TIAM2: variants seen among roughly 807,000 people sequenced by gnomAD.
The protein encoded by TIAM2 is rho guanine nucleotide exchange factor TIAM2.
TIAM2 carries 80 observed loss-of-function variants against 152.9 expected under a neutral mutation model. That is an observed-to-expected ratio of 0.52 (90% CI 0.44 to 0.63). The LOEUF (loss-of-function observed/expected upper bound fraction) is 0.63, where lower values mean the gene tolerates loss of function less well. Ranked by LOEUF, TIAM2 falls within the 30% of genes least tolerant of loss-of-function variation. The pLI, the probability that TIAM2 is intolerant of heterozygous loss-of-function variation, is 0.00. For synonymous variants in TIAM2, 804 were observed against 838.0 expected (o/e 0.96, Z 0.70); for missense variants, 1,965 against 2,120.1 (o/e 0.93, Z 1.44).
intron 1 of TIAM2, among the ~76,000 whole-genome samples, chr6:155,017,677 G>A (rs1201574194): frequency 6.6e-6 from 1 of 151,642 alleles, no homozygotes. Flanking sequence ...CTAATTTTTT[G>A]TATTTTTTGT....
chr6:155,241,691 C>T (rs1436137620), intron 16 of TIAM2, among the ~76,000 whole-genome samples: 1 of 152,162 alleles, frequency 6.6e-6, no homozygotes, highest in Non-Finnish European at 1.5e-5. Flanking sequence ...TTCTTTTGGC[C>T]TCAGAGGGGA....
At chr6:155,116,808 A>G (rs1779024492) in intron 2 of TIAM2, among the ~76,000 whole-genome samples, 1 of 152,314 alleles carries the variant, frequency 6.6e-6, no homozygotes, top group African/African-American at 2.4e-5. Flanking sequence ...AAGCTCAGAA[A>G]GGTTAAAAAC....
At chr6:155,100,533 C>T (rs1562315840) in intron 2 of TIAM2, among the ~76,000 whole-genome samples, 1 of 152,186 alleles carries the variant, frequency 6.6e-6, no homozygotes, top group Non-Finnish European at 1.5e-5. Flanking sequence ...CCACCACTGC[C>T]ACCATCACTG....
chr6:155,134,248 A>G (rs1334708066), intron 4 of TIAM2, among the ~76,000 whole-genome samples: 2 of 152,186 alleles, frequency 1.3e-5, no homozygotes, highest in East Asian at 3.9e-4. Flanking sequence ...AAGACATTCT[A>G]TATTTTTTAA....
chr6:155,151,620 C>T (rs1334863385), intron 7 of TIAM2, among the ~76,000 whole-genome samples: 1 of 152,000 alleles, frequency 6.6e-6, no homozygotes, highest in Admixed American at 6.6e-5. Context: ...GGTTTTTAAG[C>T]TGAGGACAAA....
intron 1 of TIAM2, among the ~76,000 whole-genome samples, chr6:155,089,693 C>G (rs1778256539): frequency 6.6e-6 from 1 of 152,158 alleles, no homozygotes; most frequent in Admixed American, 6.5e-5. Flanking sequence ...GAGCCAATTC[C>G]TAATCTTCCA....
chr6:155,116,528 A>T (rs906028390), intron 2 of TIAM2, among the ~76,000 whole-genome samples: 1 of 152,254 alleles, frequency 6.6e-6, no homozygotes, highest in Non-Finnish European at 1.5e-5. Context: ...TAAATGAAAC[A>T]GTGCATAATG....
intron 4 of TIAM2, among the ~76,000 whole-genome samples, chr6:155,135,800 C>A (rs1219789763): frequency 6.6e-6 from 1 of 151,990 alleles, no homozygotes; most frequent in Non-Finnish European, 1.5e-5. Context: ...TTGATATCTC[C>A]AGTACCTAGA....
intron 2 of TIAM2, among the ~76,000 whole-genome samples, chr6:155,120,374 A>G (rs1222444387): frequency 1.3e-5 from 2 of 151,948 alleles, no homozygotes; most frequent in Non-Finnish European, 2.9e-5. Context: ...TGTAAGGATT[A>G]CTCTTCCTAA....
intron 10 of TIAM2, 80 bp downstream of exon 10, chr6:155,177,057 G>T: frequency 6.9e-7 from 1 of 1,447,672 alleles, no homozygotes. Flanking sequence ...CTAAATTCAT[G>T]TGATATTCAA....
intron 14 of TIAM2, among the ~76,000 whole-genome samples, chr6:155,190,894 T>A (rs1781184135): frequency 6.6e-6 from 1 of 152,136 alleles, no homozygotes; most frequent in African/African-American, 2.4e-5. Flanking sequence ...GGCTGCCAAA[T>A]GGTGCTTGTT....
rs1007144989 is a variant in TIAM2, at chr6:155,032,227, C to G, written c.-209+36735C>G. ...TGCATACACACGTCTTAAGCCTGTG[C>G]GAACCTGCCTGCTTGTCTGTGCACA... On this transcript the variant is annotated intron_variant, in intron 1 of 26. Transcript: ENST00000682666. 2.0e-5 allele frequency among the ~76,000 whole-genome samples: 3 copies of G among 152,120 alleles called. No homozygotes were observed. In the East Asian group the frequency reaches 5.8e-4, roughly 29 times the overall value.
At chr6:155,139,799 G>A (rs1458581142) in intron 5 of TIAM2, among the ~76,000 whole-genome samples, 1 of 152,116 alleles carries the variant, frequency 6.6e-6, no homozygotes, top group Non-Finnish European at 1.5e-5. Context: ...AATTAGCCTG[G>A]CATGATGGCA....
intron 1 of TIAM2, among the ~76,000 whole-genome samples, chr6:155,010,524 C>T (rs1236328838): frequency 1.3e-5 from 2 of 152,168 alleles, no homozygotes; most frequent in African/African-American, 2.4e-5. Flanking sequence ...GGCACGATCT[C>T]GGCTCACTGC....
chr6:155,166,626 TA>T (rs1434562380), intron 9 of TIAM2, among the ~76,000 whole-genome samples: 3 of 152,214 alleles, frequency 2.0e-5, no homozygotes, highest in African/African-American at 7.2e-5. Flanking sequence ...TGGCCTCTTC[TA>T]ACATTTTTAT....
At chr6:155,021,199 A>G (rs916065868) in intron 1 of TIAM2, among the ~76,000 whole-genome samples, 7 of 152,192 alleles carry the variant, frequency 4.6e-5, no homozygotes, top group African/African-American at 7.2e-5. Context: ...TGGCTGTACA[A>G]ATATCTCTTC....
chr6:155,172,657 TATATATATATATATATATATA>T (rs1780620775), intron 9 of TIAM2, among the ~76,000 whole-genome samples: 13 of 10,602 alleles, frequency 1.2e-3, no homozygotes, highest in African/African-American at 2.0e-3. Flanking sequence ...TATATATATA[TATATATATATATATATATATA>T]TATATATATT....
At chr6:155,201,618 G>C (rs571581577) in intron 14 of TIAM2, among the ~76,000 whole-genome samples, 25 of 152,314 alleles carry the variant, frequency 1.6e-4, no homozygotes, top group African/African-American at 5.5e-4. Context: ...GCCTGGCGAA[G>C]GAAGATATGG....
Position 155,131,968 on chromosome 6 carries a change from A to G in TIAM2, c.1194+1551A>G, listed in dbSNP as rs78833683. On this transcript the variant is annotated intron_variant, in intron 4 of 26. Coordinates refer to ENST00000682666, the MANE Select transcript of TIAM2 (RefSeq NM_012454.4). ...AAGTGCATGTAATAGAAAAATATAT[A>G]TACTGATAAAACTGATAAAATAAGA... is the stretch of plus-strand genomic sequence containing the variant. Among the ~76,000 whole-genome samples the G allele has an allele frequency of 5.7e-3, 864 of 152,122 alleles. 6 individuals are homozygous for G. The highest frequency in any genetic ancestry group is 9.3e-3 in the Non-Finnish European group (632 of 68,008).
Sources: allele counts gnomAD v4.1 joint callset (sites outside exome capture counted in the v4.1 genomes callset), GRCh38; gene constraint gnomAD v4.1.1; transcripts MANE v1.5; gene names NCBI Gene and HGNC (gene_info 2026-07-23, HGNC 2026-07-21).